CPA6: variants seen among roughly 807,000 people sequenced by gnomAD.
CPA6 encodes the protein carboxypeptidase A6, also known as carboxypeptidase B.
In CPA6, 58 loss-of-function variants were observed where a neutral mutation model predicts 63.3. The observed-to-expected ratio is 0.92, with a 90% CI of 0.74 to 1.14. CPA6 has a LOEUF of 1.14. CPA6 is among the 50% of genes most tolerant of loss of function. The pLI, the probability that CPA6 is intolerant of heterozygous loss-of-function variation, is 0.00. For synonymous variants in CPA6, 185 were observed against 179.0 expected (o/e 1.03, Z -0.27); for missense variants, 565 against 526.6 (o/e 1.07, Z -0.71).
chr8:67,606,729 C>T (rs1199532285), intron 2 of CPA6, among the ~76,000 whole-genome samples: 1 of 152,158 alleles, frequency 6.6e-6, no homozygotes, highest in East Asian at 1.9e-4. Flanking sequence ...CATCTGCTCT[C>T]TGATATCTCT....
At chr8:67,676,443 A>G (rs1401432737) in intron 1 of CPA6, among the ~76,000 whole-genome samples, 1 of 152,222 alleles carries the variant, frequency 6.6e-6, no homozygotes, top group Non-Finnish European at 1.5e-5. Flanking sequence ...GACATGTCAG[A>G]TATTATTTTA....
chr8:67,695,912 C>G (rs1051092902), intron 1 of CPA6, among the ~76,000 whole-genome samples: 3 of 152,158 alleles, frequency 2.0e-5, no homozygotes, highest in African/African-American at 7.2e-5. Flanking sequence ...CTTCCCCTTG[C>G]TTTATGCTCT....
At chr8:67,481,033 G>A (rs1265157296) in intron 8 of CPA6, among the ~76,000 whole-genome samples, 1 of 152,126 alleles carries the variant, frequency 6.6e-6, no homozygotes, top group Non-Finnish European at 1.5e-5. Flanking sequence ...TTTTATTGTT[G>A]AGAGAATTCT....
chr8:67,736,653 T>A (rs956225768), intron 1 of CPA6, among the ~76,000 whole-genome samples: 12 of 152,262 alleles, frequency 7.9e-5, no homozygotes, highest in African/African-American at 2.9e-4. Flanking sequence ...ATGTAATGAG[T>A]TCTTCCAGGG....
chr8:67,536,977 G>A (rs1812598648), intron 2 of CPA6, among the ~76,000 whole-genome samples: 1 of 152,168 alleles, frequency 6.6e-6, no homozygotes, highest in Non-Finnish European at 1.5e-5. Context: ...CATTGTTTCT[G>A]TTTATGTGAT....
intron 2 of CPA6, among the ~76,000 whole-genome samples, chr8:67,560,628 G>C (rs548491013): frequency 2.0e-5 from 3 of 152,252 alleles, no homozygotes; most frequent in East Asian, 1.9e-4. Flanking sequence ...GCTGGAAAAG[G>C]GGGGAAAGGG....
At chr8:67,737,041 A>G (rs1463473555) in intron 1 of CPA6, among the ~76,000 whole-genome samples, 1 of 152,092 alleles carries the variant, frequency 6.6e-6, no homozygotes, top group African/African-American at 2.4e-5. Flanking sequence ...TCAGCCCTCC[A>G]ATCTTCCCTT....
At chr8:67,599,100 A>G (rs565684682) in intron 2 of CPA6, among the ~76,000 whole-genome samples, 4 of 152,224 alleles carry the variant, frequency 2.6e-5, no homozygotes, top group Non-Finnish European at 5.9e-5. Context: ...AATGAATGAC[A>G]TGATGTCAAA....
chr8:67,542,220 ACACTTTATGAAAGTCCT>A (rs1812723083), intron 2 of CPA6, among the ~76,000 whole-genome samples: 2 of 152,248 alleles, frequency 1.3e-5, no homozygotes, highest in South Asian at 4.1e-4. Flanking sequence ...CCTGAGGACC[ACACTTTATGAAAGTCCT>A]CTGCATTTAA....
intron 2 of CPA6, among the ~76,000 whole-genome samples, chr8:67,536,298 T>G (rs191884020): frequency 2.6e-5 from 4 of 152,350 alleles, no homozygotes; most frequent in African/African-American, 9.6e-5. Flanking sequence ...GTATGGCTAT[T>G]TTCACGATAT....
intron 8 of CPA6, among the ~76,000 whole-genome samples, chr8:67,465,282 T>C (rs1221025445): frequency 6.6e-6 from 1 of 151,794 alleles, no homozygotes; most frequent in Non-Finnish European, 1.5e-5. Flanking sequence ...TGGAATTGCT[T>C]GATTTGGCTC....
chr8:67,666,028 A>G (rs1816219094), intron 1 of CPA6, among the ~76,000 whole-genome samples: 1 of 152,192 alleles, frequency 6.6e-6, no homozygotes, highest in Non-Finnish European at 1.5e-5. Flanking sequence ...TTCCAGTTTT[A>G]TCATTTGCAT....
At chr8:67,595,724 A>C (rs1814312137) in intron 2 of CPA6, among the ~76,000 whole-genome samples, 1 of 152,172 alleles carries the variant, frequency 6.6e-6, no homozygotes, top group Non-Finnish European at 1.5e-5. Flanking sequence ...ACCGTTTCCT[A>C]AGCCCATTGG....
intron 2 of CPA6, among the ~76,000 whole-genome samples, chr8:67,592,626 G>C (rs1056515778): frequency 2.6e-5 from 4 of 151,882 alleles, no homozygotes; most frequent in Admixed American, 2.6e-4. Flanking sequence ...GAGAGTGTAT[G>C]TGTCGAGGAA....
At chr8:67,538,863 G>A (rs1181214380) in intron 2 of CPA6, among the ~76,000 whole-genome samples, 2 of 152,096 alleles carry the variant, frequency 1.3e-5, no homozygotes, top group African/African-American at 4.8e-5. Flanking sequence ...GTTTCACCGT[G>A]TTAGCCAGGA....
intron 1 of CPA6, among the ~76,000 whole-genome samples, chr8:67,634,953 T>C (rs1031832547): frequency 1.3e-5 from 2 of 151,414 alleles, no homozygotes; most frequent in Non-Finnish European, 2.9e-5. Flanking sequence ...AGTGGTACCA[T>C]CATGACTCAC....
chr8:67,467,734 G>T (rs778999671), intron 8 of CPA6, among the ~76,000 whole-genome samples: 1 of 152,096 alleles, frequency 6.6e-6, no homozygotes, highest in South Asian at 2.1e-4. Flanking sequence ...CGGGCACGGC[G>T]GCTTATGCCT....
chr8:67,736,992 A>G (rs529703630), intron 1 of CPA6, among the ~76,000 whole-genome samples: 93 of 152,262 alleles, frequency 6.1e-4, no homozygotes, highest in African/African-American at 2.2e-3. Context: ...TCGTATTACT[A>G]AGGTCACCAT....
At chr8:67,525,008 T>C (rs144192507) in intron 2 of CPA6, among the ~76,000 whole-genome samples, 3,441 of 152,294 alleles carry the variant, frequency 0.023, 58 homozygotes, top group Non-Finnish European at 0.033. Context: ...GCCACCGTAG[T>C]CACACAGTTA....
Sources: allele counts gnomAD v4.1 joint callset (sites outside exome capture counted in the v4.1 genomes callset), GRCh38; gene constraint gnomAD v4.1.1; transcripts MANE v1.5; gene names NCBI Gene and HGNC (gene_info 2026-07-23, HGNC 2026-07-21).